The following TBC1D22A variants were observed in gnomAD, a reference collection of about 807,000 sequenced individuals.
TBC1D22A encodes the protein TBC1 domain family member 22A, also known as putative GTPase activator.
Under a neutral mutation model 60.2 loss-of-function variants are expected in TBC1D22A, and 38 were observed. The observed-to-expected ratio is 0.63, with a 90% CI of 0.49 to 0.83. TBC1D22A has a LOEUF of 0.83. TBC1D22A is among the 40% of genes least tolerant of loss of function. TBC1D22A has a pLI of 0.00. For synonymous variants in TBC1D22A, 302 were observed against 281.7 expected, an observed-to-expected ratio of 1.07 and a Z score of -0.72; for missense variants, 628 against 701.0, an observed-to-expected ratio of 0.90 and a Z score of 1.18.
At chr22:46,878,523 A>G (rs1227066666) in intron 4 of TBC1D22A, 130 bp from the exon 5 acceptor site, 2 of 744,242 alleles carry the variant, frequency 2.7e-6, no homozygotes. Flanking sequence ...TGAAATGTTG[A>G]TGATTTAGTT....
chr22:47,054,869 C>T (rs55863431), intron 11 of TBC1D22A, among the ~76,000 whole-genome samples: 6 of 152,288 alleles, frequency 3.9e-5, no homozygotes, highest in Non-Finnish European at 4.4e-5. Context: ...GCAGAAATGT[C>T]GTGGTGTGTA....
chr22:47,105,624 T>G (rs1032555650), intron 11 of TBC1D22A, among the ~76,000 whole-genome samples: 4 of 152,210 alleles, frequency 2.6e-5, no homozygotes, highest in African/African-American at 9.6e-5. Context: ...AATCCTACAT[T>G]CACATGGATT....
At chr22:47,149,314 G>A (rs115189588) in intron 12 of TBC1D22A, among the ~76,000 whole-genome samples, 3,152 of 152,326 alleles carry the variant, frequency 0.021, 97 homozygotes, top group African/African-American at 0.072. Flanking sequence ...CATCCTGTGC[G>A]GCCTCCATTT....
chr22:46,876,237 A>G (rs556348632), intron 4 of TBC1D22A, among the ~76,000 whole-genome samples: 1 of 152,226 alleles, frequency 6.6e-6, no homozygotes, highest in African/African-American at 2.4e-5. Context: ...GCCTACAGAA[A>G]TAATCATTGT....
chr22:47,070,129 T>A (rs951418299), intron 11 of TBC1D22A, among the ~76,000 whole-genome samples: 1 of 144,728 alleles, frequency 6.9e-6, no homozygotes, highest in African/African-American at 2.7e-5. Context: ...GGTTCGAGAC[T>A]GTTCCCTGTT....
chr22:47,066,917 C>A (rs1238511174), intron 11 of TBC1D22A, among the ~76,000 whole-genome samples: 3 of 152,166 alleles, frequency 2.0e-5, no homozygotes, highest in Non-Finnish European at 4.4e-5. Context: ...TTTGACTCCC[C>A]ACAGACTCTG....
intron 9 of TBC1D22A, among the ~76,000 whole-genome samples, chr22:46,996,395 C>T (rs150193973): frequency 5.6e-4 from 85 of 152,382 alleles, no homozygotes; most frequent in African/African-American, 1.9e-3. Context: ...GAGTTGGAAG[C>T]GTAGGCCAGA....
chr22:46,785,625 C>T (rs149331732), intron 1 of TBC1D22A, among the ~76,000 whole-genome samples: 8 of 152,180 alleles, frequency 5.3e-5, no homozygotes, highest in Non-Finnish European at 8.8e-5. Flanking sequence ...TTCTAGTCCC[C>T]AAGTAACCAC....
At chr22:46,784,126 A>C (rs1207219151) in intron 1 of TBC1D22A, among the ~76,000 whole-genome samples, 1 of 152,090 alleles carries the variant, frequency 6.6e-6, no homozygotes, top group Admixed American at 6.6e-5. Context: ...GCTCACTGCA[A>C]CCTCAATCTC....
rs2062333333 is a variant in TBC1D22A, at chr22:47,028,364, AGAGT to A, written c.1202-8701_1202-8698del. Among the ~76,000 whole-genome samples, 1 of 151,238 alleles carries A rather than the reference AGAGT, an allele frequency of 6.6e-6. No individual in the cohort carries two copies. The highest frequency in any genetic ancestry group is 2.1e-4 in the South Asian group (1 of 4,730). ...CCTGTCCCCCACGGCCCAGGTTCTG[AGAGT>A]GAGTGGTCGCATTCCTGTCCCTCGG... is the stretch of plus-strand genomic sequence containing the variant. On this transcript the variant is annotated intron_variant, in intron 10 of 12. Transcript: ENST00000337137. The surrounding 1 kb of genome is among the most constrained non-coding windows in gnomAD (Gnocchi z 4.4).
intron 10 of TBC1D22A, among the ~76,000 whole-genome samples, chr22:47,019,089 C>T (rs911420034): frequency 4.6e-5 from 7 of 152,252 alleles, no homozygotes; most frequent in Non-Finnish European, 1.0e-4. Context: ...CCCCTCTTCA[C>T]TCCCGCGCCT....
At chr22:47,090,248 C>G (rs963796881) in intron 11 of TBC1D22A, among the ~76,000 whole-genome samples, 1 of 152,214 alleles carries the variant, frequency 6.6e-6, no homozygotes. Flanking sequence ...CATCCGCCAG[C>G]TCATGTCTCC....
intron 7 of TBC1D22A, among the ~76,000 whole-genome samples, chr22:46,904,564 G>A (rs1381141798): frequency 2.6e-5 from 4 of 151,882 alleles, no homozygotes; most frequent in African/African-American, 9.7e-5. Context: ...TGCCTCCCGG[G>A]TTCAAGCCAT....
rs131905 is a variant in TBC1D22A at position 47,046,164 on chromosome 22, A to T, written c.1329+8966A>T. 4.6e-5 allele frequency among the ~76,000 whole-genome samples: 7 copies of T among 151,944 alleles called. No individual in the cohort carries two copies. In the East Asian group the frequency reaches 1.2e-3, roughly 25 times the overall value. ...TGTGTGGGTACAAAGGCCTTGCCCC[A>T]CAAGGAGGGTGTCCAAGTCCAAGTA... On this transcript the variant is annotated intron_variant, in intron 11 of 12. Coordinates refer to ENST00000337137, the MANE Select transcript of TBC1D22A (RefSeq NM_014346.5).
intron 4 of TBC1D22A, among the ~76,000 whole-genome samples, chr22:46,833,761 G>A (rs544442194): frequency 6.6e-6 from 1 of 152,188 alleles, no homozygotes; most frequent in African/African-American, 2.4e-5. Context: ...GGTGGTTCCA[G>A]AGCAGTGAAA....
At position 46,777,306 on chromosome 22, in the gene TBC1D22A, C is replaced by T. The variant is rs755429680; in HGVS notation, c.62+14458C>T. Among the ~76,000 whole-genome samples, 23 of 152,042 alleles carry T rather than the reference C, an allele frequency of 1.5e-4. No homozygotes were observed. Among genetic ancestry groups the T allele is most frequent in the Non-Finnish European group, 2.9e-4 (20 of 68,022 alleles). ...CAGAAGAGGGCTCGAGGGAGAGGTA[C>T]GAGGCAGGGATGAGCACATTGTCTA... On this transcript the variant is annotated intron_variant, in intron 1 of 12. Coordinates refer to ENST00000337137, the MANE Select transcript of TBC1D22A (RefSeq NM_014346.5). The surrounding 1 kb of genome is among the most constrained non-coding windows in gnomAD (Gnocchi z 4.5).
intron 12 of TBC1D22A, among the ~76,000 whole-genome samples, chr22:47,126,621 C>T (rs745306448): frequency 5.9e-5 from 9 of 152,248 alleles, no homozygotes; most frequent in African/African-American, 9.6e-5. Context: ...TGACCCCTGG[C>T]GCTGTCTTCT....
At chr22:46,770,652 G>T (rs1294202069) in intron 1 of TBC1D22A, among the ~76,000 whole-genome samples, 1 of 152,238 alleles carries the variant, frequency 6.6e-6, no homozygotes, top group Non-Finnish European at 1.5e-5. Flanking sequence ...ACTGAAGTCA[G>T]CTCGGAGGGT....
At chr22:46,781,717 G>A (rs962356144) in intron 1 of TBC1D22A, among the ~76,000 whole-genome samples, 2 of 152,162 alleles carry the variant, frequency 1.3e-5, no homozygotes, top group East Asian at 1.9e-4. Context: ...GGCCTGCCCC[G>A]GAGTATCTTG....
Sources: allele counts gnomAD v4.1 joint callset (sites outside exome capture counted in the v4.1 genomes callset), GRCh38; gene constraint gnomAD v4.1.1; non-coding constraint Gnocchi (gnomAD v3.1); transcripts MANE v1.5; gene names NCBI Gene and HGNC (gene_info 2026-07-23, HGNC 2026-07-21).